The following CLNK variants were observed in gnomAD, a reference collection of about 807,000 sequenced individuals.
CLNK encodes cytokine-dependent hematopoietic cell linker.
In CLNK, 74 loss-of-function variants were observed where a neutral mutation model predicts 68.6. The ratio of observed to expected loss-of-function variants is 1.08; its 90% CI spans 0.89 to 1.31. CLNK has a LOEUF of 1.31. CLNK is among the 50% of genes most tolerant of loss of function. CLNK has a pLI of 0.00. For synonymous variants in CLNK, 198 were observed against 172.2 expected (o/e 1.15, Z -1.17); for missense variants, 553 against 515.3 (o/e 1.07, Z -0.71).
chr4:10,690,446 TGAATGTAGAAA>T, the CLNK span, among the ~76,000 whole-genome samples: 42 of 152,326 alleles, frequency 2.8e-4, no homozygotes, highest in Non-Finnish European at 5.0e-4. Flanking sequence ...AAGTGGTATG[TGAATGTAGAAA>T]GAGCTGTTTT....
intron 15 of CLNK, among the ~76,000 whole-genome samples, chr4:10,515,129 T>C (rs954739512): frequency 6.6e-6 from 1 of 151,936 alleles, no homozygotes; most frequent in Non-Finnish European, 1.5e-5. Flanking sequence ...TCCCAGCTAC[T>C]AGGGAGGCTG....
intron 2 of CLNK, among the ~76,000 whole-genome samples, chr4:10,615,240 G>A (rs1020502445): frequency 6.6e-6 from 1 of 152,000 alleles, no homozygotes; most frequent in African/African-American, 2.4e-5. Context: ...AGCACTTTGG[G>A]AGGCCAAGAC....
chr4:10,690,940 T>A, the CLNK span, among the ~76,000 whole-genome samples: 12 of 152,210 alleles, frequency 7.9e-5, no homozygotes, highest in East Asian at 1.3e-3. Flanking sequence ...TAAGAGAAAG[T>A]GCAGTGCAAC....
At chr4:10,550,350 CCGGGCGTGGTGG>C (rs1015431751) in intron 8 of CLNK, among the ~76,000 whole-genome samples, 22 of 152,206 alleles carry the variant, frequency 1.4e-4, no homozygotes, top group African/African-American at 5.3e-4. Context: ...ACACAATTAG[CCGGGCGTGGTGG>C]CGGGCGCCTG....
rs577613922 is a variant in CLNK, at chr4:10,583,808, G to C, written c.112+1119C>G. Among the ~76,000 whole-genome samples the C allele has an allele frequency of 2.0e-5, 3 of 152,298 alleles. No homozygotes were observed. In the East Asian group the frequency reaches 5.8e-4, roughly 29 times the overall value. On this transcript the variant is annotated intron_variant, in intron 4 of 18. Transcript: ENST00000226951. ...ATTTCTCTGTGCCTTAACCAAGGTG[G>C]GGAGCAAGATGGGAGGAAGAGGATA...
chr4:10,501,547 G>A lies in CLNK; in HGVS notation c.985-136C>T, dbSNP rs1225566380. On this transcript the variant is annotated intron_variant, in intron 17 of 18. Transcript: ENST00000226951. ...TTGGTAAACCACTTTAATTCAGTAA[G>A]TTTTTACTGAGTGTCTGTATGCCTA... 7.4e-6 allele frequency: 6 copies of A among 807,218 alleles called. No individual in the cohort carries two copies. In the Admixed American group the frequency reaches 1.8e-4, roughly 24 times the overall value. 50.0% of individuals were successfully genotyped at this position (807,218 alleles called of 1,614,324 possible).
chr4:10,661,858 A>G (rs1459010807), intron 2 of CLNK, among the ~76,000 whole-genome samples: 1 of 152,200 alleles, frequency 6.6e-6, no homozygotes, highest in East Asian at 1.9e-4. Flanking sequence ...AGAGTGTTTG[A>G]GAAGATTCTC....
intron 2 of CLNK, among the ~76,000 whole-genome samples, chr4:10,614,593 G>A (rs1722152324): frequency 6.6e-6 from 1 of 152,164 alleles, no homozygotes; most frequent in South Asian, 2.1e-4. Flanking sequence ...GGCTGGTTAG[G>A]CAGGCAGAAT....
At chr4:10,660,764 G>A (rs940994637) in intron 2 of CLNK, among the ~76,000 whole-genome samples, 1 of 152,124 alleles carries the variant, frequency 6.6e-6, no homozygotes, top group Non-Finnish European at 1.5e-5. Context: ...CCTCATCACC[G>A]ACCATCTTTA....
At chr4:10,658,933 T>C (rs1326693524) in intron 2 of CLNK, among the ~76,000 whole-genome samples, 1 of 152,150 alleles carries the variant, frequency 6.6e-6, no homozygotes, top group East Asian at 1.9e-4. Context: ...GTAATCACAG[T>C]TTTTGCTATT....
chr4:10,499,354 T>G (rs921151530), intron 18 of CLNK, among the ~76,000 whole-genome samples: 2 of 152,130 alleles, frequency 1.3e-5, no homozygotes, highest in African/African-American at 2.4e-5. Flanking sequence ...AAAATTGCTT[T>G]GCTAAGAATC....
intron 1 of CLNK, 21 bp from the exon 2 acceptor site, chr4:10,667,932 G>A (rs978437644): frequency 6.4e-5 from 89 of 1,389,168 alleles, no homozygotes; most frequent in Admixed American, 8.3e-5. Context: ...AAAAGCAAAC[G>A]CGTTACTGGA....
intron 12 of CLNK, among the ~76,000 whole-genome samples, chr4:10,529,431 T>A (rs1008111570): frequency 6.6e-6 from 1 of 152,202 alleles, no homozygotes; most frequent in Non-Finnish European, 1.5e-5. Context: ...CTCTCCTGAC[T>A]CATAGTTGCT....
intron 3 of CLNK, among the ~76,000 whole-genome samples, chr4:10,590,490 T>G (rs930031702): frequency 6.6e-6 from 1 of 152,106 alleles, no homozygotes; most frequent in Non-Finnish European, 1.5e-5. Context: ...TGGTATGCAG[T>G]CCTTTGGTTC....
At chr4:10,705,789 G>A in the CLNK span, among the ~76,000 whole-genome samples, 2 of 152,120 alleles carry the variant, frequency 1.3e-5, no homozygotes, top group African/African-American at 4.8e-5. Flanking sequence ...TGGTCTCTTG[G>A]ATTTAGGATA....
the CLNK span, among the ~76,000 whole-genome samples, chr4:10,709,177 T>A: frequency 6.6e-6 from 1 of 152,254 alleles, no homozygotes; most frequent in Non-Finnish European, 1.5e-5. Context: ...TATGTTCTTG[T>A]CTGTAAAATA....
intron 1 of CLNK, among the ~76,000 whole-genome samples, chr4:10,672,398 A>G (rs959723328): frequency 1.3e-4 from 20 of 152,194 alleles, no homozygotes; most frequent in African/African-American, 4.6e-4. Flanking sequence ...GCTTATCTGT[A>G]AAATACGGGT....
At chr4:10,525,964 A>T in intron 13 of CLNK, 42 bp from the exon 14 acceptor site, 1 of 1,206,406 alleles carries the variant, frequency 8.3e-7, no homozygotes. Flanking sequence ...TTGCAAAAGA[A>T]AAATAATTGA....
chr4:10,689,745 A>ATTTTTT (rs71651341), upstream of CLNK, among the ~76,000 whole-genome samples: 458 of 100,072 alleles, frequency 4.6e-3, 21 homozygotes, highest in Non-Finnish European at 6.8e-3. Flanking sequence ...AAACCCATGC[A>ATTTTTT]TTTTTTTTTT....
Sources: gnomAD v4.1 joint callset for allele counts (sites outside exome capture counted in the v4.1 genomes callset) on GRCh38, gnomAD v4.1.1 for gene constraint, MANE v1.5 for transcripts, NCBI Gene and HGNC (gene_info 2026-07-23, HGNC 2026-07-21) for gene names.